ALDH1L1: variants seen among roughly 807,000 people sequenced by gnomAD.
ALDH1L1 encodes cytosolic 10-formyltetrahydrofolate dehydrogenase.
ALDH1L1 carries 68 observed loss-of-function variants against 101.1 expected under a neutral mutation model. The ratio of observed to expected loss-of-function variants is 0.67; its 90% CI spans 0.55 to 0.82. ALDH1L1 has a LOEUF of 0.82. ALDH1L1 is among the 40% of genes least tolerant of loss of function. The pLI is 0.00. For synonymous variants in ALDH1L1, 486 were observed against 470.8 expected, an observed-to-expected ratio of 1.03 and a Z score of -0.42; for missense variants, 1,087 against 1,172.7, an observed-to-expected ratio of 0.93 and a Z score of 1.07.
intron 4 of ALDH1L1, chr3:126,156,788 G>A (rs1230065580): frequency 6.6e-6 from 1 of 152,272 alleles, no homozygotes; most frequent in African/African-American, 2.4e-5. Context: ...TGGCTCATGA[G>A]GATCACATGA....
chr3:126,118,140 G>A (rs746649959), intron 16 of ALDH1L1, 42 bp from the exon 17 acceptor site: 1 of 1,533,702 alleles, frequency 6.5e-7, no homozygotes, highest in South Asian at 1.1e-5. Context: ...GGTCCCCCTG[G>A]TGCTGGGGAG....
At chr3:126,149,917 G>A (rs2080775234) in intron 8 of ALDH1L1, among the ~76,000 whole-genome samples, 1 of 152,244 alleles carries the variant, frequency 6.6e-6, no homozygotes, top group East Asian at 1.9e-4. Flanking sequence ...AGCATGGATG[G>A]AAATTCATGT....
upstream of ALDH1L1, among the ~76,000 whole-genome samples, chr3:126,181,976 T>C (rs1166227766): frequency 6.6e-6 from 1 of 152,142 alleles, no homozygotes; most frequent in Non-Finnish European, 1.5e-5. Flanking sequence ...AAAGTTTCCA[T>C]GTGCCGTTCA....
At chr3:126,114,786 TC>T in intron 17 of ALDH1L1, 130 bp from the exon 18 acceptor site, 1 of 802,594 alleles carries the variant, frequency 1.2e-6, no homozygotes, top group Non-Finnish European at 2.1e-6. Context: ...GGCCAGTGCC[TC>T]CCCACTCCCC....
chr3:126,195,334 CAA>C (rs780698879), intron 1 of ALDH1L1, among the ~76,000 whole-genome samples: 142 of 152,126 alleles, frequency 9.3e-4, no homozygotes, highest in Non-Finnish European at 1.7e-3. Context: ...ACTTTCCTGA[CAA>C]AATATTTGAT....
intron 8 of ALDH1L1, 113 bp downstream of exon 8, chr3:126,150,293 A>T (rs994669576): frequency 5.7e-5 from 83 of 1,446,892 alleles, no homozygotes; most frequent in Non-Finnish European, 6.9e-5. Flanking sequence ...TGGAGCCAAA[A>T]CAGACACCCA....
chr3:126,174,871 A>G (rs1481115385), intron 1 of ALDH1L1, among the ~76,000 whole-genome samples: 1 of 152,142 alleles, frequency 6.6e-6, no homozygotes, highest in Non-Finnish European at 1.5e-5. Context: ...CAAAATAAAC[A>G]GAAGAAAGGA....
intron 21 of ALDH1L1, among the ~76,000 whole-genome samples, chr3:126,106,646 C>T (rs1945882939): frequency 6.6e-6 from 1 of 152,176 alleles, no homozygotes; most frequent in Non-Finnish European, 1.5e-5. Flanking sequence ...GCCTCGGCAA[C>T]CCCGAGGCTG....
intron 2 of ALDH1L1, chr3:126,160,437 G>C (rs1008024051): frequency 6.0e-6 from 1 of 165,866 alleles, no homozygotes; most frequent in Admixed American, 6.1e-5. Flanking sequence ...TCCCCTGATG[G>C]GTAAGTAGAG....
At chr3:126,116,712 G>A (rs561164779) in intron 17 of ALDH1L1, among the ~76,000 whole-genome samples, 2 of 152,334 alleles carry the variant, frequency 1.3e-5, no homozygotes, top group African/African-American at 4.8e-5. Flanking sequence ...TCAGGGCTGG[G>A]GCAGGCTCCA....
At chr3:126,193,442 T>C (rs904817674) in intron 1 of ALDH1L1, among the ~76,000 whole-genome samples, 1 of 152,180 alleles carries the variant, frequency 6.6e-6, no homozygotes, top group Non-Finnish European at 1.5e-5. Context: ...TATAATTTTG[T>C]TTTTTTAAAA....
chr3:126,144,173 A>G (rs1446680439), intron 9 of ALDH1L1, among the ~76,000 whole-genome samples: 1 of 152,248 alleles, frequency 6.6e-6, no homozygotes, highest in Non-Finnish European at 1.5e-5. Flanking sequence ...ACAGAGTTGT[A>G]CAATGAAAAC....
intron 8 of ALDH1L1, among the ~76,000 whole-genome samples, chr3:126,149,945 A>T (rs1159806147): frequency 6.6e-6 from 1 of 152,228 alleles, no homozygotes; most frequent in Non-Finnish European, 1.5e-5. Context: ...ACTGAGTCTT[A>T]GAGACGAAAG....
chr3:126,112,278 C>A (rs532790364), intron 19 of ALDH1L1, among the ~76,000 whole-genome samples: 290 of 152,288 alleles, frequency 1.9e-3, no homozygotes, highest in African/African-American at 6.6e-3. Flanking sequence ...CCCCTGCTGG[C>A]GGCCCACAGC....
chr3:126,109,110 CAGAA>C (rs1236647317), intron 20 of ALDH1L1, among the ~76,000 whole-genome samples: 5 of 152,198 alleles, frequency 3.3e-5, no homozygotes, highest in Non-Finnish European at 7.3e-5. Flanking sequence ...ATGAGGGTCA[CAGAA>C]AGAGAAGAGT....
At chr3:126,124,000 C>T (rs1016861042) in intron 16 of ALDH1L1, among the ~76,000 whole-genome samples, 2 of 152,148 alleles carry the variant, frequency 1.3e-5, no homozygotes, top group South Asian at 2.1e-4. Context: ...AAAAGTGATT[C>T]ATGTATGACC....
Position 126,109,872 on chromosome 3 carries a change from G to A in ALDH1L1, c.2347+72C>T, listed in dbSNP as rs563935343. On this transcript the variant is annotated intron_variant, in intron 20 of 22. Transcript: ENST00000393434. The stretch of plus-strand genomic sequence containing the variant: ...GCCTTCAGATGTCTCCAGTTCAGCT[G>A]GACAGGGAACCAGAGGCCATGGGAC... The A allele has an allele frequency of 1.4e-3, 2,151 of 1,580,742 alleles. 3 individuals are homozygous for A. Among genetic ancestry groups the A allele is most frequent in the Non-Finnish European group, 1.5e-3 (1,786 of 1,164,362 alleles).
intron 17 of ALDH1L1, 135 bp from the exon 18 acceptor site, chr3:126,114,791 A>ACCCCCCCCCCCCCCCC: frequency 1.7e-6 from 1 of 600,068 alleles, no homozygotes; most frequent in South Asian, 1.9e-5. Flanking sequence ...GTGCCTCCCC[A>ACCCCCCCCCCCCCCCC]CTCCCCCCCA....
At chr3:126,185,296 C>T (rs1407949807), upstream of ALDH1L1, among the ~76,000 whole-genome samples, 1 of 152,208 alleles carries the variant, frequency 6.6e-6, no homozygotes, top group Non-Finnish European at 1.5e-5. Context: ...ACCTGGCTGG[C>T]ACATGGCCCC....
Sources: allele counts gnomAD v4.1 joint callset (sites outside exome capture counted in the v4.1 genomes callset), GRCh38; gene constraint gnomAD v4.1.1; transcripts MANE v1.5; gene names NCBI Gene and HGNC (gene_info 2026-07-23, HGNC 2026-07-21).